The following GABRB1 variants were observed in gnomAD, a reference collection of about 807,000 sequenced individuals.
GABRB1 encodes gamma-aminobutyric acid type A receptor subunit beta1.
GABRB1 carries 17 observed loss-of-function variants against 51.6 expected under a neutral mutation model. The ratio of observed to expected loss-of-function variants is 0.33; its 90% CI spans 0.23 to 0.49. GABRB1 has a LOEUF of 0.49. GABRB1 is among the 20% of genes least tolerant of loss of function. GABRB1 has a pLI of 0.99. For synonymous variants in GABRB1, 247 were observed against 218.9 expected (o/e 1.13, Z -1.14); for missense variants, 410 against 600.6 (o/e 0.68, Z 3.32).
intron 4 of GABRB1, among the ~76,000 whole-genome samples, chr4:47,207,141 G>C (rs1454523541): frequency 2.0e-5 from 3 of 151,880 alleles, no homozygotes; most frequent in Non-Finnish European, 4.4e-5. Flanking sequence ...TATTTAACAG[G>C]ACATTTAACT....
intron 4 of GABRB1, among the ~76,000 whole-genome samples, chr4:47,243,888 C>A (rs1721636591): frequency 6.6e-6 from 1 of 152,134 alleles, no homozygotes; most frequent in Admixed American, 6.6e-5. Context: ...CTTCTCCTGC[C>A]TGATTGCCCT....
At chr4:47,178,438 T>C (rs1009809524) in intron 4 of GABRB1, among the ~76,000 whole-genome samples, 1 of 152,066 alleles carries the variant, frequency 6.6e-6, no homozygotes, top group Non-Finnish European at 1.5e-5. Flanking sequence ...TTTGTTCAAA[T>C]GGGACAATGA....
intron 4 of GABRB1, among the ~76,000 whole-genome samples, chr4:47,208,484 T>A (rs1449142130): frequency 6.6e-6 from 1 of 152,060 alleles, no homozygotes; most frequent in Non-Finnish European, 1.5e-5. Context: ...GCCTCAAATG[T>A]CAAATTTAAA....
intron 4 of GABRB1, among the ~76,000 whole-genome samples, chr4:47,289,773 C>T (rs1723654579): frequency 6.6e-6 from 1 of 152,196 alleles, no homozygotes. Flanking sequence ...TATAAACTAC[C>T]TGAAAACCTA....
At chr4:47,262,677 A>G (rs541886415) in intron 4 of GABRB1, among the ~76,000 whole-genome samples, 4 of 152,210 alleles carry the variant, frequency 2.6e-5, no homozygotes, top group Non-Finnish European at 5.9e-5. Flanking sequence ...CATTTGACAC[A>G]GCCTTCCCAT....
rs16860191 is a variant in GABRB1, at chr4:47,402,877, T to C, written c.545-441T>C. ...TAATGGCTATATATAAACTTGGTCT[T>C]TCATTACACTTCATCTCTTTACACT... On this transcript the variant is annotated intron_variant, in intron 5 of 8. Coordinates refer to ENST00000295454, the MANE Select transcript of GABRB1 (RefSeq NM_000812.4). 9.1e-3 allele frequency among the ~76,000 whole-genome samples: 1,384 copies of C among 152,318 alleles called. 23 individuals are homozygous for C. The highest frequency in any genetic ancestry group is 0.032 in the African/African-American group (1,316 of 41,582).
intron 3 of GABRB1, among the ~76,000 whole-genome samples, chr4:47,095,135 G>A (rs955415280): frequency 7.9e-5 from 12 of 152,014 alleles, no homozygotes; most frequent in African/African-American, 2.9e-4. Context: ...TAAGACATAG[G>A]ACACAATGCT....
At chr4:47,249,083 C>T (rs1017068448) in intron 4 of GABRB1, among the ~76,000 whole-genome samples, 6 of 151,880 alleles carry the variant, frequency 4.0e-5, no homozygotes, top group Non-Finnish European at 7.4e-5. Context: ...CTCTCTCATT[C>T]CTTGAGGTGT....
At chr4:47,213,549 G>A (rs1720446320) in intron 4 of GABRB1, among the ~76,000 whole-genome samples, 1 of 147,344 alleles carries the variant, frequency 6.8e-6, no homozygotes, top group Non-Finnish European at 1.5e-5. Context: ...CTCAATTTAT[G>A]TTCTCAACTT....
At chr4:47,019,627 CTT>C (rs1491553540) in intron 1 of GABRB1, among the ~76,000 whole-genome samples, 3,050 of 87,618 alleles carry the variant, frequency 0.035, 60 homozygotes, top group African/African-American at 0.076. Context: ...CTTTCTCTCT[CTT>C]TCTTTCTTTC....
intron 2 of GABRB1, 49 bp downstream of exon 2, chr4:47,032,054 T>G: frequency 7.3e-7 from 1 of 1,373,634 alleles, no homozygotes; most frequent in Non-Finnish European, 1.0e-6. Flanking sequence ...AGTTCTCCTT[T>G]TCTGTCAAAG....
chr4:47,202,972 A>G (rs2109799435), intron 4 of GABRB1, among the ~76,000 whole-genome samples: 1 of 152,308 alleles, frequency 6.6e-6, no homozygotes, highest in East Asian at 1.9e-4. Context: ...GAAGTTGGCA[A>G]GGGTTGGAAC....
chr4:47,064,620 A>G (rs1217555628), intron 3 of GABRB1, among the ~76,000 whole-genome samples: 1 of 148,460 alleles, frequency 6.7e-6, no homozygotes, highest in East Asian at 2.0e-4. Flanking sequence ...CCTGGGAAAT[A>G]AGAGCGAGGA....
At chr4:47,422,241 C>T (rs1437722503) in intron 8 of GABRB1, among the ~76,000 whole-genome samples, 1 of 152,190 alleles carries the variant, frequency 6.6e-6, no homozygotes, top group Non-Finnish European at 1.5e-5. Flanking sequence ...GACTTCCTCA[C>T]TCACTCCCTT....
At chr4:47,039,466 T>G (rs577195219) in intron 3 of GABRB1, among the ~76,000 whole-genome samples, 1 of 151,532 alleles carries the variant, frequency 6.6e-6, no homozygotes, top group Non-Finnish European at 1.5e-5. Flanking sequence ...AATCATGAAG[T>G]GAAGATTTTT....
At chr4:47,017,863 C>A (rs1459563872) in intron 1 of GABRB1, among the ~76,000 whole-genome samples, 2 of 152,082 alleles carry the variant, frequency 1.3e-5, no homozygotes, top group Admixed American at 1.3e-4. Flanking sequence ...AACTTGTTAT[C>A]CTCTTTTAGA....
chr4:47,265,745 G>A (rs1722620427), intron 4 of GABRB1, among the ~76,000 whole-genome samples: 1 of 152,074 alleles, frequency 6.6e-6, no homozygotes, highest in African/African-American at 2.4e-5. Context: ...GCCTTCTTTT[G>A]AGAAATGTCT....
intron 4 of GABRB1, among the ~76,000 whole-genome samples, chr4:47,286,592 GA>G (rs35730377): frequency 0.69 from 104,788 of 151,812 alleles, 36,956 homozygotes; most frequent in East Asian, 0.97. Context: ...AAAAAGACAA[GA>G]AAAAAATAAA....
chr4:47,264,951 G>A (rs145964324), intron 4 of GABRB1, among the ~76,000 whole-genome samples: 2 of 152,268 alleles, frequency 1.3e-5, no homozygotes, highest in East Asian at 1.9e-4. Flanking sequence ...ACACAATAAC[G>A]TAAAGAATGA....
Sources: gnomAD v4.1 joint callset for allele counts (sites outside exome capture counted in the v4.1 genomes callset) on GRCh38, gnomAD v4.1.1 for gene constraint, MANE v1.5 for transcripts, NCBI Gene and HGNC (gene_info 2026-07-23, HGNC 2026-07-21) for gene names.